Variants in SNX9 observed in about 807,000 individuals in gnomAD.
The protein encoded by SNX9 is sorting nexin-9.
Under a neutral mutation model 89.4 loss-of-function variants are expected in SNX9, and 44 were observed. The observed-to-expected ratio is 0.49, with a 90% CI of 0.39 to 0.63. SNX9 has a LOEUF of 0.63. Among genes scored for constraint, SNX9 ranks in the 30% least tolerant of loss-of-function variants. SNX9 has a pLI of 0.00. For synonymous variants in SNX9, 236 were observed against 247.8 expected, an observed-to-expected ratio of 0.95 and a Z score of 0.45; for missense variants, 578 against 736.1, an observed-to-expected ratio of 0.79 and a Z score of 2.49.
intron 4 of SNX9, among the ~76,000 whole-genome samples, chr6:157,875,430 T>C (rs972286540): frequency 6.6e-6 from 1 of 152,166 alleles, no homozygotes; most frequent in Non-Finnish European, 1.5e-5. Context: ...TCTGTCATGA[T>C]ATGAACACAG....
chr6:157,939,104 G>A (rs886075096), intron 16 of SNX9, among the ~76,000 whole-genome samples: 2 of 151,960 alleles, frequency 1.3e-5, no homozygotes, highest in Non-Finnish European at 2.9e-5. Flanking sequence ...ATGTGAAGGG[G>A]TTTGGGTGTG....
At chr6:157,826,821 T>G (rs1235247498) in intron 1 of SNX9, among the ~76,000 whole-genome samples, 1 of 105,492 alleles carries the variant, frequency 9.5e-6, no homozygotes, top group Non-Finnish European at 1.7e-5. Context: ...TATAAATATA[T>G]ATTATATTTT....
chr6:157,860,242 A>G (rs9365522), intron 1 of SNX9, among the ~76,000 whole-genome samples: 1 of 152,032 alleles, frequency 6.6e-6, no homozygotes, highest in Non-Finnish European at 1.5e-5. Flanking sequence ...CTTTAAAAAA[A>G]TTAAAAAATA....
At chr6:157,868,894 G>A (rs1027374129) in intron 2 of SNX9, among the ~76,000 whole-genome samples, 2 of 152,302 alleles carry the variant, frequency 1.3e-5, no homozygotes, top group African/African-American at 4.8e-5. Flanking sequence ...GTGCATGCCT[G>A]TCCTTGGTCC....
At chr6:157,886,351 T>C (rs764976141) in intron 4 of SNX9, among the ~76,000 whole-genome samples, 9 of 152,352 alleles carry the variant, frequency 5.9e-5, no homozygotes, top group Middle Eastern at 6.8e-3. Context: ...AGTTGCTAAT[T>C]AGCATTATTA....
chr6:157,910,963 A>G (rs952028169), intron 9 of SNX9, among the ~76,000 whole-genome samples: 2 of 152,058 alleles, frequency 1.3e-5, no homozygotes, highest in Non-Finnish European at 1.5e-5. Context: ...CTACTAAAAA[A>G]TTAGCCCGGT....
rs749637373 is a variant in SNX9, at chr6:157,942,865, C to T, written c.*27C>T. Reference sequence around the variant, plus strand: ...ACAGAACGGGCCTTGAAGAGAATGCCGCGTGCTTTCTCCTGACTTGGGGCA... The same window carrying T: ...ACAGAACGGGCCTTGAAGAGAATGCTGCGTGCTTTCTCCTGACTTGGGGCA... On this transcript the variant is annotated 3_prime_UTR_variant, in exon 18 of 18. Transcript: ENST00000392185. 4.4e-5 allele frequency: 70 copies of T among 1,602,564 alleles called. No homozygotes were observed. The highest frequency in any genetic ancestry group is 5.4e-5 in the African/African-American group (4 of 74,524).
At chr6:157,863,291 T>C (rs1164351191) in intron 1 of SNX9, among the ~76,000 whole-genome samples, 1 of 152,268 alleles carries the variant, frequency 6.6e-6, no homozygotes, top group Admixed American at 6.5e-5. Context: ...GAATGGATTA[T>C]GCACATTGTG....
At chr6:157,922,429 C>T (rs1783602014) in intron 10 of SNX9, among the ~76,000 whole-genome samples, 1 of 152,120 alleles carries the variant, frequency 6.6e-6, no homozygotes, top group African/African-American at 2.4e-5. Context: ...ACATTATCAG[C>T]CTGGGAAATA....
chr6:157,933,971 C>G (rs1407952009), intron 13 of SNX9, among the ~76,000 whole-genome samples: 1 of 152,188 alleles, frequency 6.6e-6, no homozygotes, highest in African/African-American at 2.4e-5. Flanking sequence ...TTTAAGGAAG[C>G]ATTCAAGTTC....
intron 4 of SNX9, among the ~76,000 whole-genome samples, chr6:157,894,106 CTTTTTTTTTT>C (rs746909411): frequency 3.3e-5 from 3 of 89,564 alleles, no homozygotes; most frequent in African/African-American, 4.6e-5. Context: ...CTTTTCTTTT[CTTTTTTTTTT>C]TTTTTTTTTT....
At chr6:157,852,369 T>C in intron 1 of SNX9, among the ~76,000 whole-genome samples, 1 of 152,206 alleles carries the variant, frequency 6.6e-6, no homozygotes, top group East Asian at 1.9e-4. Flanking sequence ...AAAGCTGCTT[T>C]GCATTAGGCC....
Position 157,933,520 on chromosome 6 carries a change from C to G in SNX9, c.1366+1248C>G, listed in dbSNP as rs539610818. 2.0e-5 allele frequency among the ~76,000 whole-genome samples: 3 copies of G among 152,306 alleles called. No individual in the cohort carries two copies. The South Asian group carries it at 6.2e-4, about 32-fold the overall frequency. On this transcript the variant is annotated intron_variant, in intron 13 of 17. Transcript: ENST00000392185. ...CCACATGGCAATAGTTCTCATTGCC[C>G]TGGCCTTACCATGTCTTACAGTTGA... is the stretch of plus-strand genomic sequence containing the variant.
intron 1 of SNX9, among the ~76,000 whole-genome samples, chr6:157,850,491 G>A (rs1422106047): frequency 1.3e-5 from 2 of 152,184 alleles, no homozygotes; most frequent in African/African-American, 4.8e-5. Context: ...TAATCAGTGC[G>A]TGGATGGGAG....
At chr6:157,889,846 A>G (rs1013657102) in intron 4 of SNX9, among the ~76,000 whole-genome samples, 45 of 152,218 alleles carry the variant, frequency 3.0e-4, no homozygotes, top group Admixed American at 8.5e-4. Context: ...TTTTCTTTAT[A>G]TTTTAGATGA....
At chr6:157,863,575 G>A (rs1782191156) in intron 1 of SNX9, among the ~76,000 whole-genome samples, 1 of 151,818 alleles carries the variant, frequency 6.6e-6, no homozygotes, top group Non-Finnish European at 1.5e-5. Context: ...GTTGAAGAAT[G>A]AGTTCTTGAA....
chr6:157,882,137 C>T (rs946788998), intron 4 of SNX9, among the ~76,000 whole-genome samples: 21 of 152,100 alleles, frequency 1.4e-4, no homozygotes, highest in Non-Finnish European at 2.5e-4. Flanking sequence ...AACCAGTGCT[C>T]GTTTACCATT....
intron 13 of SNX9, among the ~76,000 whole-genome samples, chr6:157,935,230 C>T (rs1421125900): frequency 6.6e-6 from 1 of 152,054 alleles, no homozygotes; most frequent in African/African-American, 2.4e-5. Flanking sequence ...AGTATTTCAG[C>T]TAATAAAGAA....
At chr6:157,896,388 A>G (rs1476018533) in intron 4 of SNX9, among the ~76,000 whole-genome samples, 3 of 152,242 alleles carry the variant, frequency 2.0e-5, no homozygotes, top group Admixed American at 6.5e-5. Context: ...AAAACTTGCA[A>G]AGAGATACAT....
Sources: gnomAD v4.1 joint callset for allele counts (sites outside exome capture counted in the v4.1 genomes callset) on GRCh38, gnomAD v4.1.1 for gene constraint, MANE v1.5 for transcripts, NCBI Gene and HGNC (gene_info 2026-07-23, HGNC 2026-07-21) for gene names.